The following EOGT variants were observed in gnomAD, a reference collection of about 807,000 sequenced individuals.
EOGT encodes EGF domain-specific O-linked N-acetylglucosamine transferase.
Under a neutral mutation model 70.5 loss-of-function variants are expected in EOGT, and 55 were observed. The ratio of observed to expected loss-of-function variants is 0.78; its 90% confidence interval spans 0.63 to 0.98. EOGT has a LOEUF of 0.98. EOGT is among the 50% of genes least tolerant of loss of function. The pLI, the probability that EOGT is intolerant of heterozygous loss-of-function variation, is 0.00. For missense variants in EOGT, 703 were observed against 641.9 expected (o/e 1.10, Z -1.03); for synonymous variants, 246 against 217.1 (o/e 1.13, Z -1.17).
Position 69,010,770 on chromosome 3 carries a change from A to C in EOGT, c.-14-910T>G, listed in dbSNP as rs191210338. Among the ~76,000 whole-genome samples the C allele has an allele frequency of 3.4e-3, 515 of 152,356 alleles. 3 individuals are homozygous for C. The highest frequency in any genetic ancestry group is 3.0e-3 in the Non-Finnish European group (203 of 68,040). ...GATGAGGAGGGGAAAAGTATCTGTGAGAGAGCAAAGGGAGTGGGATGGCTC... is the reference window on the plus strand; with the variant it reads ...GATGAGGAGGGGAAAAGTATCTGTGCGAGAGCAAAGGGAGTGGGATGGCTC... On this transcript the variant is annotated intron_variant, in intron 3 of 17. Transcript: ENST00000383701.
chr3:68,977,121 C>G lies in EOGT; in HGVS notation c.*497G>C, dbSNP rs1421818416. 1 of 158,378 alleles carries G rather than the reference C, an allele frequency of 6.3e-6. No homozygotes were observed. Among genetic ancestry groups the G allele is most frequent in the East Asian group, 1.9e-4 (1 of 5,270 alleles). 9.8% of individuals were successfully genotyped at this position (158,378 alleles called of 1,614,324 possible). A position where few individuals can be genotyped will look rare whatever the true frequency, so the allele number is the denominator to read the frequency against. ...GTTGCAGTGAGCTGAGATCATGCCA[C>G]TGCACTCCAGCCTGGGTGACAGAGT... On this transcript the variant is annotated 3_prime_UTR_variant, in exon 18 of 18. Coordinates refer to ENST00000383701, the MANE Select transcript of EOGT (RefSeq NM_001278689.2).
intron 8 of EOGT, 129 bp from the exon 9 acceptor site, chr3:69,001,843 T>G: frequency 1.6e-6 from 1 of 638,442 alleles, no homozygotes; most frequent in Non-Finnish European, 2.7e-6. Context: ...TATGGACACC[T>G]GTAACTTCTA....
At chr3:69,013,188 T>G (rs974632411) in intron 1 of EOGT, among the ~76,000 whole-genome samples, 145 of 151,910 alleles carry the variant, frequency 9.5e-4, no homozygotes, top group African/African-American at 3.4e-3. Context: ...CGCCAGGGAT[T>G]GCTTCGGGGT....
At chr3:68,996,869 C>T (rs2091163906) in intron 10 of EOGT, among the ~76,000 whole-genome samples, 1 of 152,222 alleles carries the variant, frequency 6.6e-6, no homozygotes, top group Admixed American at 6.5e-5. Flanking sequence ...TTTAGACAGC[C>T]TCTCTCATGT....
Position 68,977,404 on chromosome 3 carries a change from G to A in EOGT, c.*214C>T. The A allele has an allele frequency of 2.1e-6, 1 of 484,714 alleles. No individual in the cohort carries two copies. The highest frequency in any genetic ancestry group is 3.6e-6 in the Non-Finnish European group (1 of 281,520). 30.0% of individuals were successfully genotyped at this position (484,714 alleles called of 1,614,324 possible). ...ATTTTTGAACTATAAAAAGTTTTCA[G>A]TGCAAAATTATTGCTATTGATAAAT... is the stretch of plus-strand genomic sequence containing the variant. On this transcript the variant is annotated 3_prime_UTR_variant, in exon 18 of 18. Transcript: ENST00000383701.
chr3:68,987,735 G>A, intron 13 of EOGT: 1 of 560,292 alleles, frequency 1.8e-6, no homozygotes, highest in Non-Finnish European at 3.1e-6. Context: ...TGTCTGTTTG[G>A]TTGGGTGGGT....
intron 6 of EOGT, among the ~76,000 whole-genome samples, chr3:69,005,841 ATCTGC>A (rs2091425967): frequency 6.6e-6 from 1 of 152,218 alleles, no homozygotes; most frequent in African/African-American, 2.4e-5. Context: ...AAAAACTTTT[ATCTGC>A]TCTGGGTTTT....
chr3:68,999,819 A>G (rs2091249445), intron 9 of EOGT, among the ~76,000 whole-genome samples: 1 of 152,232 alleles, frequency 6.6e-6, no homozygotes, highest in African/African-American at 2.4e-5. Context: ...TGGGGTTGCA[A>G]GAATTTATAA....
Position 68,977,479 on chromosome 3 carries a change from A to G in EOGT, c.*139T>C, listed in dbSNP as rs868364380. 4.8e-6 allele frequency: 4 copies of G among 833,426 alleles called. No individual in the cohort carries two copies. The African/African-American group carries it at 6.9e-5, about 14-fold the overall frequency. The allele number at this position is 833,426 out of a possible 1,614,324, so 51.6% of individuals were successfully genotyped here. On this transcript the variant is annotated 3_prime_UTR_variant, in exon 18 of 18. Transcript: ENST00000383701. Reference sequence around the variant, plus strand: ...AACACTTAACATCTATACAACACATAACAATATCCTGAAGGTATGTTTTGG... The same window carrying G: ...AACACTTAACATCTATACAACACATGACAATATCCTGAAGGTATGTTTTGG...
chr3:68,987,586 T>C (rs2090852569), intron 13 of EOGT, 73 bp from the exon 14 acceptor site: 3 of 1,146,272 alleles, frequency 2.6e-6, no homozygotes, highest in South Asian at 2.6e-5. Context: ...GAACCCAAAA[T>C]GTGATTTTCA....
chr3:68,995,997 G>C (rs182433839), intron 10 of EOGT, among the ~76,000 whole-genome samples: 1 of 152,260 alleles, frequency 6.6e-6, no homozygotes, highest in Non-Finnish European at 1.5e-5. Flanking sequence ...AAATAGTTTT[G>C]TTTAAAAACG....
At chr3:69,008,754 C>A (rs893702444) in intron 4 of EOGT, among the ~76,000 whole-genome samples, 4 of 152,192 alleles carry the variant, frequency 2.6e-5, no homozygotes, top group Admixed American at 6.5e-5. Context: ...GTCCCCTAAC[C>A]GAAAGTCTGG....
chr3:68,997,267 G>A (rs887002216), intron 10 of EOGT, among the ~76,000 whole-genome samples: 3 of 152,182 alleles, frequency 2.0e-5, no homozygotes, highest in East Asian at 1.9e-4. Context: ...ACAGTAACAA[G>A]GAAGCTGCTA....
At chr3:68,986,173 C>T (rs12496795) in intron 14 of EOGT, among the ~76,000 whole-genome samples, 55,226 of 151,994 alleles carry the variant, frequency 0.36, 10,514 homozygotes, top group East Asian at 0.55. Context: ...GAGTTTAAGG[C>T]CCATTTGTGA....
At chr3:69,005,407 AG>A (rs1234094967) in intron 6 of EOGT, among the ~76,000 whole-genome samples, 173 bp from the exon 7 acceptor site, 2 of 152,238 alleles carry the variant, frequency 1.3e-5, no homozygotes, top group Non-Finnish European at 2.9e-5. Context: ...CCTTCCCAGC[AG>A]ACCCTGGCCA....
chr3:68,991,248 T>G (rs190029700), intron 10 of EOGT, among the ~76,000 whole-genome samples: 6 of 152,352 alleles, frequency 3.9e-5, no homozygotes, highest in Admixed American at 3.9e-4. Flanking sequence ...ATACTCATGT[T>G]GAAGAATATT....
At position 68,977,481 on chromosome 3, in the gene EOGT, C is replaced by T; in HGVS notation, c.*137G>A. Reference sequence around the variant, plus strand: ...CACTTAACATCTATACAACACATAACAATATCCTGAAGGTATGTTTTGGCA... The same window carrying T: ...CACTTAACATCTATACAACACATAATAATATCCTGAAGGTATGTTTTGGCA... On this transcript the variant is annotated 3_prime_UTR_variant, in exon 18 of 18. Coordinates refer to ENST00000383701, the MANE Select transcript of EOGT (RefSeq NM_001278689.2). The T allele has an allele frequency of 1.2e-6, 1 of 848,700 alleles. No homozygotes were observed. Among genetic ancestry groups the T allele is most frequent in the Non-Finnish European group, 1.9e-6 (1 of 538,924 alleles). The allele number at this position is 848,700 out of a possible 1,614,324, so 52.6% of individuals were successfully genotyped here. A position where few individuals can be genotyped will look rare whatever the true frequency, so the allele number is the denominator to read the frequency against.
chr3:68,989,748 C>CAA (rs56000169), intron 10 of EOGT, among the ~76,000 whole-genome samples: 32 of 93,116 alleles, frequency 3.4e-4, no homozygotes, highest in East Asian at 1.1e-3. Flanking sequence ...AACTCCATCT[C>CAA]AAAAAAAAAA....
At chr3:69,010,395 A>T (rs766367202) in intron 3 of EOGT, among the ~76,000 whole-genome samples, 3 of 152,280 alleles carry the variant, frequency 2.0e-5, no homozygotes, top group Non-Finnish European at 4.4e-5. Context: ...GATAGGATCC[A>T]GTTTAGTGAT....
Sources: gnomAD v4.1 joint callset for allele counts (sites outside exome capture counted in the v4.1 genomes callset) on GRCh38, gnomAD v4.1.1 for gene constraint, MANE v1.5 for transcripts, NCBI Gene and HGNC (gene_info 2026-07-23, HGNC 2026-07-21) for gene names.